Variants in SLC39A11 observed in about 807,000 individuals in gnomAD.
The protein encoded by SLC39A11 is solute carrier family 39 member 11, also known as zinc transporter ZIP11.
Under a neutral mutation model 36.1 loss-of-function variants are expected in SLC39A11, and 33 were observed. The observed-to-expected ratio is 0.91, with a 90% CI of 0.69 to 1.22. The LOEUF (loss-of-function observed/expected upper bound fraction) is 1.22, where lower values mean the gene tolerates loss of function less well. Ranked by LOEUF, SLC39A11 falls within the 50% of genes most tolerant of loss-of-function variation. The probability of loss-of-function intolerance (pLI) is 0.00; values close to 1 mark genes in which losing one functional copy is unlikely to be tolerated. For missense variants in SLC39A11, 432 were observed against 430.3 expected, an observed-to-expected ratio of 1.00 and a Z score of -0.03; for synonymous variants, 166 against 170.3, an observed-to-expected ratio of 0.97 and a Z score of 0.20.
At chr17:73,059,484 C>T (rs987311551) in intron 3 of SLC39A11, among the ~76,000 whole-genome samples, 21 of 151,466 alleles carry the variant, frequency 1.4e-4, no homozygotes, top group African/African-American at 4.9e-4. Flanking sequence ...CTGACCAACA[C>T]GGTGAACCCC....
At chr17:72,809,603 CTTGGAG>C (rs2077371841) in intron 6 of SLC39A11, among the ~76,000 whole-genome samples, 1 of 152,182 alleles carries the variant, frequency 6.6e-6, no homozygotes, top group Admixed American at 6.5e-5. Context: ...CTCATCACAT[CTTGGAG>C]TAACAGTATG....
intron 3 of SLC39A11, among the ~76,000 whole-genome samples, chr17:73,081,447 T>C (rs1228439945): frequency 1.3e-5 from 2 of 151,980 alleles, no homozygotes; most frequent in South Asian, 4.1e-4. Context: ...AGATCTACCA[T>C]TGGATCCAGC....
intron 4 of SLC39A11, among the ~76,000 whole-genome samples, chr17:73,017,806 T>A (rs937284762): frequency 5.3e-5 from 8 of 152,162 alleles, no homozygotes; most frequent in Admixed American, 3.3e-4. Flanking sequence ...AGGAGGATCA[T>A]CACACAAACA....
At chr17:72,777,885 G>A (rs2076188808) in intron 6 of SLC39A11, among the ~76,000 whole-genome samples, 2 of 151,608 alleles carry the variant, frequency 1.3e-5, no homozygotes, top group Admixed American at 6.6e-5. Context: ...ATGTATGTAT[G>A]TATGTATGTA....
intron 6 of SLC39A11, among the ~76,000 whole-genome samples, chr17:72,801,043 G>T (rs1469149388): frequency 6.6e-6 from 1 of 152,176 alleles, no homozygotes; most frequent in South Asian, 2.1e-4. Flanking sequence ...CTAATTTAAA[G>T]AAGCCAGACA....
chr17:73,042,658 G>A (rs1256871943), intron 3 of SLC39A11, among the ~76,000 whole-genome samples: 5 of 152,102 alleles, frequency 3.3e-5, no homozygotes, highest in African/African-American at 4.8e-5. Flanking sequence ...AAAATCAGCC[G>A]AGCATGTTGG....
At chr17:72,699,475 T>C (rs1385183525) in intron 7 of SLC39A11, among the ~76,000 whole-genome samples, 1 of 152,118 alleles carries the variant, frequency 6.6e-6, no homozygotes, top group Non-Finnish European at 1.5e-5. Flanking sequence ...CTGTTACTCT[T>C]AAGCACCCTA....
At chr17:72,794,065 C>A (rs1254675102) in intron 6 of SLC39A11, among the ~76,000 whole-genome samples, 2 of 152,186 alleles carry the variant, frequency 1.3e-5, no homozygotes, top group African/African-American at 4.8e-5. Flanking sequence ...TCAGGCTCTG[C>A]CTGAGGTTTG....
intron 4 of SLC39A11, among the ~76,000 whole-genome samples, chr17:72,952,161 G>C (rs1235350289): frequency 6.6e-6 from 1 of 152,154 alleles, no homozygotes; most frequent in African/African-American, 2.4e-5. Context: ...AGTATCTCCG[G>C]AGTAATGCCA....
intron 5 of SLC39A11, among the ~76,000 whole-genome samples, chr17:72,909,069 C>G (rs755972052): frequency 1.3e-5 from 2 of 152,198 alleles, no homozygotes; most frequent in Non-Finnish European, 2.9e-5. Context: ...TTCCTAAGAG[C>G]AGGTTGCCTC....
chr17:72,701,773 G>A (rs1598390493), intron 7 of SLC39A11, among the ~76,000 whole-genome samples: 7 of 92,396 alleles, frequency 7.6e-5, no homozygotes, highest in Non-Finnish European at 1.2e-4. Context: ...GAAAGAGAAA[G>A]AAAAGGAAGG....
At chr17:72,732,680 G>A (rs1277263864) in intron 7 of SLC39A11, among the ~76,000 whole-genome samples, 2 of 152,184 alleles carry the variant, frequency 1.3e-5, no homozygotes, top group African/African-American at 2.4e-5. Flanking sequence ...GAGTGTAAGT[G>A]CAACCGTACT....
chr17:73,037,832 G>C (rs2058972637), intron 3 of SLC39A11, among the ~76,000 whole-genome samples: 2 of 152,260 alleles, frequency 1.3e-5, no homozygotes, highest in African/African-American at 4.8e-5. Flanking sequence ...GTTTGGGTGG[G>C]GCCCATCCTC....
chr17:72,843,542 AC>A (rs987820468), intron 6 of SLC39A11, among the ~76,000 whole-genome samples: 11 of 152,148 alleles, frequency 7.2e-5, no homozygotes, highest in African/African-American at 2.7e-4. Context: ...CCCTCTTTCC[AC>A]CATGTGAGGA....
chr17:73,083,958 G>A (rs183235232), intron 3 of SLC39A11, among the ~76,000 whole-genome samples: 1 of 152,276 alleles, frequency 6.6e-6, no homozygotes. Flanking sequence ...AGACATGTGT[G>A]TTGAATTTAC....
intron 3 of SLC39A11, among the ~76,000 whole-genome samples, chr17:73,073,073 G>A (rs550803388): frequency 3.9e-5 from 6 of 152,282 alleles, no homozygotes; most frequent in South Asian, 4.2e-4. Flanking sequence ...CCAGCTACTC[G>A]GGAGGCCAAG....
chr17:72,658,926 C>T (rs752501472), intron 7 of SLC39A11, among the ~76,000 whole-genome samples: 17 of 152,128 alleles, frequency 1.1e-4, no homozygotes, highest in East Asian at 5.8e-4. Flanking sequence ...CTGAATGAGG[C>T]GGTGATGAGC....
intron 1 of SLC39A11, among the ~76,000 whole-genome samples, chr17:73,090,650 T>C (rs1326875622): frequency 6.6e-6 from 1 of 152,214 alleles, no homozygotes; most frequent in Non-Finnish European, 1.5e-5. Context: ...TGTATTTGAA[T>C]GTGCCTCTTG....
intron 7 of SLC39A11, among the ~76,000 whole-genome samples, chr17:72,716,378 G>A (rs553318572): frequency 1.3e-5 from 2 of 151,772 alleles, no homozygotes; most frequent in East Asian, 3.9e-4. Flanking sequence ...GGCACAGTCT[G>A]TCTCTATGAC....
Sources: allele counts gnomAD v4.1 joint callset (sites outside exome capture counted in the v4.1 genomes callset), GRCh38; gene constraint gnomAD v4.1.1; transcripts MANE v1.5; gene names NCBI Gene and HGNC (gene_info 2026-07-23, HGNC 2026-07-21).